THSD7B: variants seen among roughly 807,000 people sequenced by gnomAD.
THSD7B encodes thrombospondin type-1 domain-containing protein 7B.
A neutral mutation model predicts 213.6 loss-of-function variants in THSD7B; 138 were observed. The ratio of observed to expected loss-of-function variants is 0.65; its 90% CI spans 0.56 to 0.74. The LOEUF is 0.74. Among genes scored for constraint, THSD7B ranks in the 30% least tolerant of loss-of-function variants. The pLI, the probability that THSD7B is intolerant of heterozygous loss-of-function variation, is 0.00. For synonymous variants in THSD7B, 742 were observed against 687.0 expected (o/e 1.08, Z -1.25); for missense variants, 1,931 against 1,991.5 (o/e 0.97, Z 0.58).
intron 2 of THSD7B, among the ~76,000 whole-genome samples, chr2:136,996,402 C>G (rs1045765971): frequency 1.3e-5 from 2 of 151,548 alleles, no homozygotes; most frequent in African/African-American, 2.4e-5. Context: ...AGTGCCGTGA[C>G]GCAATTACAG....
rs1029707610 is a variant in THSD7B, at chr2:137,401,115, A to C, written c.2501-4498A>C. ...GATTTCTACTTCTGATTTAATCCTC[A>C]GAAATGTTCTCTGATTTAAGGACAC... On this transcript the variant is annotated intron_variant, in intron 12 of 27. Coordinates refer to ENST00000409968, the MANE Select transcript of THSD7B (RefSeq NM_001316349.2). Among the ~76,000 whole-genome samples the C allele has an allele frequency of 7.0e-4, 106 of 152,226 alleles. 1 individual carries two copies. Among genetic ancestry groups the C allele is most frequent in the Non-Finnish European group, 4.1e-4 (28 of 68,046 alleles).
Position 137,054,690 on chromosome 2 carries a change from C to T in THSD7B, c.140-1730C>T, listed in dbSNP as rs566125556. 1.8e-4 allele frequency among the ~76,000 whole-genome samples: 28 copies of T among 152,028 alleles called. No individual in the cohort carries two copies. The South Asian group carries it at 2.3e-3, about 12-fold the overall frequency. On this transcript the variant is annotated intron_variant, in intron 2 of 27. Transcript: ENST00000409968. The stretch of plus-strand genomic sequence containing the variant: ...AGAGAGCTTGTGTAAATTCATATGC[C>T]TCTTAGGGTCTGAAGTGCCTTATGA...
intron 15 of THSD7B, among the ~76,000 whole-genome samples, chr2:137,521,126 A>G (rs1680176227): frequency 6.6e-6 from 1 of 152,112 alleles, no homozygotes; most frequent in African/African-American, 2.4e-5. Context: ...CAGGGAGATT[A>G]TTATGTTATT....
At chr2:137,084,961 A>C (rs1225931531) in intron 3 of THSD7B, among the ~76,000 whole-genome samples, 2 of 152,172 alleles carry the variant, frequency 1.3e-5, no homozygotes, top group Non-Finnish European at 2.9e-5. Context: ...CCCCTTACCT[A>C]GAGAAGATAG....
intron 14 of THSD7B, among the ~76,000 whole-genome samples, chr2:137,420,576 G>A (rs547974613): frequency 1.6e-4 from 24 of 152,228 alleles, no homozygotes; most frequent in African/African-American, 5.5e-4. Flanking sequence ...CTGCCACAGA[G>A]GGCTGTGTGC....
chr2:136,834,055 A>G (rs1225297696), intron 1 of THSD7B, among the ~76,000 whole-genome samples: 2 of 152,192 alleles, frequency 1.3e-5, no homozygotes, highest in African/African-American at 2.4e-5. Context: ...ATATGTAGCT[A>G]GTACACAGCA....
At chr2:136,922,038 C>A (rs1386253451) in intron 2 of THSD7B, among the ~76,000 whole-genome samples, 1 of 152,148 alleles carries the variant, frequency 6.6e-6, no homozygotes, top group East Asian at 1.9e-4. Flanking sequence ...ATAAAAATCC[C>A]TAATTTTCTC....
chr2:137,365,338 C>T (rs1480028030), intron 12 of THSD7B, among the ~76,000 whole-genome samples: 1 of 152,136 alleles, frequency 6.6e-6, no homozygotes, highest in African/African-American at 2.4e-5. Flanking sequence ...TGGGCAAGGA[C>T]TTCATGACCA....
chr2:136,940,618 T>C (rs1056864145), intron 2 of THSD7B, among the ~76,000 whole-genome samples: 1 of 151,510 alleles, frequency 6.6e-6, no homozygotes, highest in African/African-American at 2.4e-5. Flanking sequence ...TCTTGAACTC[T>C]TGAGCTCCAG....
In THSD7B at chr2:137,563,245, A is replaced by G; in HGVS notation, c.3163A>G (p.Ser1055Gly). 1 of 1,613,382 alleles carries G rather than the reference A, an allele frequency of 6.2e-7. No homozygotes were observed. Among genetic ancestry groups the G allele is most frequent in the Non-Finnish European group, 8.5e-7 (1 of 1,179,536 alleles). Residue 1055 changes from serine (S) to glycine (G), a missense_variant, in exon 16 of 28, where the codon AGT (serine) becomes GGT (glycine). Transcript: ENST00000409968. ...GGTACATGAGGCAGTCCCATGTTACAGTGAGTGCAATCAGTATTCCTGGGT... is the reference window on the plus strand; with the variant it reads ...GGTACATGAGGCAGTCCCATGTTACGGTGAGTGCAATCAGTATTCCTGGGT... The part of the protein sequence containing the change: ...NQVHEAVPCY[S>G]ECNQYSWVVE...
intron 15 of THSD7B, among the ~76,000 whole-genome samples, chr2:137,463,610 G>T (rs144387270): frequency 2.6e-5 from 4 of 151,970 alleles, no homozygotes; most frequent in African/African-American, 9.7e-5. Context: ...TGGCAATATT[G>T]GTTATCAAGC....
At chr2:137,523,416 T>C (rs1295293341) in intron 15 of THSD7B, among the ~76,000 whole-genome samples, 1 of 152,164 alleles carries the variant, frequency 6.6e-6, no homozygotes, top group Non-Finnish European at 1.5e-5. Flanking sequence ...CAATCCCACA[T>C]TTTCTTGGGA....
At chr2:137,222,870 G>A (rs1681401948) in intron 7 of THSD7B, among the ~76,000 whole-genome samples, 1 of 152,212 alleles carries the variant, frequency 6.6e-6, no homozygotes. Flanking sequence ...GGCTTCCTGG[G>A]TCAGAAAGGA....
intron 12 of THSD7B, among the ~76,000 whole-genome samples, chr2:137,302,198 CTGAA>C (rs1683622299): frequency 1.3e-5 from 2 of 151,958 alleles, no homozygotes; most frequent in Non-Finnish European, 2.9e-5. Context: ...AACAATGGGA[CTGAA>C]TGAGATCATG....
At chr2:136,921,700 T>C (rs1197996791) in intron 2 of THSD7B, among the ~76,000 whole-genome samples, 1 of 152,220 alleles carries the variant, frequency 6.6e-6, no homozygotes, top group Non-Finnish European at 1.5e-5. Context: ...ATTAGCATGT[T>C]AATGGAAAAA....
intron 3 of THSD7B, among the ~76,000 whole-genome samples, chr2:137,082,722 C>T (rs190239075): frequency 2.0e-5 from 3 of 152,086 alleles, no homozygotes; most frequent in South Asian, 2.1e-4. Flanking sequence ...TATCTCTAAC[C>T]GGTTGTACAC....
chr2:137,589,567 C>A (rs62168018), intron 17 of THSD7B, among the ~76,000 whole-genome samples: 1 of 152,074 alleles, frequency 6.6e-6, no homozygotes, highest in Non-Finnish European at 1.5e-5. Context: ...AGCATAGAGG[C>A]GGTATAGTGT....
intron 12 of THSD7B, among the ~76,000 whole-genome samples, chr2:137,361,098 T>G (rs747920177): frequency 6.6e-6 from 1 of 151,996 alleles, no homozygotes; most frequent in Admixed American, 6.6e-5. Flanking sequence ...GGGTCAGGAG[T>G]GGACCTCCAG....
intron 2 of THSD7B, among the ~76,000 whole-genome samples, chr2:136,934,623 C>T (rs947349011): frequency 6.6e-6 from 1 of 151,994 alleles, no homozygotes; most frequent in Non-Finnish European, 1.5e-5. Flanking sequence ...AGATAGACAA[C>T]TATCATATAT....
Sources: allele counts gnomAD v4.1 joint callset (sites outside exome capture counted in the v4.1 genomes callset), GRCh38; gene constraint gnomAD v4.1.1; transcripts MANE v1.5; gene names NCBI Gene and HGNC (gene_info 2026-07-23, HGNC 2026-07-21).